HSPA4L: variants seen among roughly 807,000 people sequenced by gnomAD.
HSPA4L encodes heat shock 70 kDa protein 4L.
HSPA4L carries 48 observed loss-of-function variants against 100.3 expected under a neutral mutation model. That is an observed-to-expected ratio of 0.48 (90% confidence interval 0.38 to 0.61). The LOEUF is 0.61. Among genes scored for constraint, HSPA4L ranks in the 20% least tolerant of loss-of-function variants. The pLI is 0.00. For missense variants in HSPA4L, 886 were observed against 988.6 expected (o/e 0.90, Z 1.39); for synonymous variants, 319 against 328.2 (o/e 0.97, Z 0.30).
Position 127,787,517 on chromosome 4 carries a change from A to G in HSPA4L, c.107+4860A>G, listed in dbSNP as rs149498789. Among the ~76,000 whole-genome samples the G allele has an allele frequency of 3.3e-4, 51 of 152,306 alleles. No individual in the cohort carries two copies. In the East Asian group the frequency reaches 8.9e-3, roughly 26 times the overall value. The stretch of plus-strand genomic sequence containing the variant: ...TATACAAGTATGTGATTATATGTAC[A>G]TAACTGGGATTTTTTAACAAAAGCA... On this transcript the variant is annotated intron_variant, in intron 1 of 18. Coordinates refer to ENST00000296464, the MANE Select transcript of HSPA4L (RefSeq NM_014278.4).
chr4:127,802,431 A>G (rs1391857588), intron 6 of HSPA4L, among the ~76,000 whole-genome samples: 1 of 152,194 alleles, frequency 6.6e-6, no homozygotes. Context: ...AGTAGAGTTT[A>G]CTTAGGAGAT....
intron 10 of HSPA4L, among the ~76,000 whole-genome samples, chr4:127,806,711 A>C (rs1288359447): frequency 6.6e-6 from 1 of 152,018 alleles, no homozygotes; most frequent in Non-Finnish European, 1.5e-5. Context: ...TTATATTTCA[A>C]ATATTTTACT....
chr4:127,829,029 G>A (rs116475242), intron 17 of HSPA4L, among the ~76,000 whole-genome samples: 3 of 152,058 alleles, frequency 2.0e-5, no homozygotes, highest in African/African-American at 7.2e-5. Flanking sequence ...ATAAATTACT[G>A]TAAGTTATGT....
chr4:127,795,769 T>C lies in HSPA4L; in HGVS notation c.167T>C (p.Ile56Thr). 6.2e-7 allele frequency: 1 copy of C among 1,613,304 alleles called. No homozygotes were observed. The change falls in exon 3 of 19, where the codon ATA (isoleucine) becomes ACA (threonine). Residue 56 changes from isoleucine to threonine, a missense_variant and splice_region_variant. Physicochemically the swap from Ile to Thr is moderately conservative, Grantham distance 89. Transcript: ENST00000296464. ...RAIGNAAKSQ[I>T]VTNVRNTIHG... ...AATACAAGTGTTTACTGCCAACAGA[T>C]AGTCACGAACGTAAGAAATACAATT...
At position 127,817,954 on chromosome 4, in the gene HSPA4L, C is replaced by A. The variant is rs147645937; in HGVS notation, c.1579-371C>A. Among the ~76,000 whole-genome samples the A allele has an allele frequency of 4.3e-3, 659 of 152,170 alleles. 10 individuals are homozygous for A. The highest frequency in any genetic ancestry group is 0.015 in the African/African-American group (630 of 41,534). ...TGGTGGTTTGCTGCACCCATCAACC[C>A]GTCATCTACATTAGGTATTTCTCGT... is the stretch of plus-strand genomic sequence containing the variant. On this transcript the variant is annotated intron_variant, in intron 12 of 18. Transcript: ENST00000296464.
chr4:127,821,964 A>C (rs1009295570), intron 14 of HSPA4L, among the ~76,000 whole-genome samples: 18 of 152,286 alleles, frequency 1.2e-4, no homozygotes, highest in African/African-American at 3.4e-4. Context: ...CTTTATTGAG[A>C]TAAATTTACA....
chr4:127,795,933 C>G, intron 3 of HSPA4L, 25 bp downstream of exon 3: 1 of 1,604,686 alleles, frequency 6.2e-7, no homozygotes, highest in South Asian at 1.1e-5. Flanking sequence ...CCCAGGGTTA[C>G]AAACATATCT....
At position 127,832,915 on chromosome 4, in the gene HSPA4L, A is replaced by G. The variant is rs1290944017; in HGVS notation, c.*41A>G. On this transcript the variant is annotated 3_prime_UTR_variant, in exon 19 of 19. Transcript: ENST00000296464. ...TCACATTAATTCAAACCGTGCAAGTAACCACGGGGTCCATCTTTTACATCT... is the reference window on the plus strand; with the variant it reads ...TCACATTAATTCAAACCGTGCAAGTGACCACGGGGTCCATCTTTTACATCT... 1 of 1,432,318 alleles carries G rather than the reference A, an allele frequency of 7.0e-7. No individual in the cohort carries two copies. Among genetic ancestry groups the G allele is most frequent in the Non-Finnish European group, 9.6e-7 (1 of 1,047,056 alleles). The allele number at this position is 1,432,318 out of a possible 1,614,324, so 88.7% of individuals were successfully genotyped here.
intron 14 of HSPA4L, 21 bp from the exon 15 acceptor site, chr4:127,822,748 A>G (rs754952223): frequency 1.2e-6 from 2 of 1,611,178 alleles, no homozygotes; most frequent in Non-Finnish European, 1.7e-6. Flanking sequence ...TATGGCAACT[A>G]ATCTGAAGCT....
At chr4:127,827,955 G>A (rs1226591855) in intron 17 of HSPA4L, among the ~76,000 whole-genome samples, 1 of 152,012 alleles carries the variant, frequency 6.6e-6, no homozygotes, top group Non-Finnish European at 1.5e-5. Context: ...TTATACAGAT[G>A]ATACTTCCAT....
At chr4:127,798,456 T>C (rs1578696483) in intron 3 of HSPA4L, 131 bp from the exon 4 acceptor site, 1 of 794,624 alleles carries the variant, frequency 1.3e-6, no homozygotes, top group East Asian at 2.7e-5. Flanking sequence ...ACAATCTTTC[T>C]GGAATAAAAC....
chr4:127,828,699 C>T (rs1734008290), intron 17 of HSPA4L, among the ~76,000 whole-genome samples: 1 of 152,032 alleles, frequency 6.6e-6, no homozygotes, highest in African/African-American at 2.4e-5. Flanking sequence ...CTGCTAATAT[C>T]AGTGTTCAAA....
In HSPA4L at chr4:127,839,192, C is replaced by T. The variant is rs1734304778; in HGVS notation, c.*6318C>T. Reference sequence around the variant, plus strand: ...GTTATGTATGTGTGTTGTGCATCTTCCTTGTTGTTTTAGAGTTTCCTAAAT... The same window carrying T: ...GTTATGTATGTGTGTTGTGCATCTTTCTTGTTGTTTTAGAGTTTCCTAAAT... On this transcript the variant is annotated 3_prime_UTR_variant, in exon 19 of 19. Coordinates refer to ENST00000296464, the MANE Select transcript of HSPA4L (RefSeq NM_014278.4). 6.6e-6 allele frequency: 1 copy of T among 152,110 alleles called. No homozygotes were observed. Among genetic ancestry groups the T allele is most frequent in the African/African-American group, 2.4e-5 (1 of 41,416 alleles). 9.4% of individuals were successfully genotyped at this position (152,110 alleles called of 1,614,324 possible).
chr4:127,808,001 G>C lies in HSPA4L; in HGVS notation c.1250G>C (p.Cys417Ser), dbSNP rs1289493573. 1.1e-5 allele frequency: 17 copies of C among 1,608,130 alleles called. No individual in the cohort carries two copies. Among genetic ancestry groups the C allele is most frequent in the Non-Finnish European group, 1.4e-5 (16 of 1,178,450 alleles). Residue 417 changes from cysteine (C) to serine (S), a missense_variant, in exon 11 of 19, where the codon TGT becomes TCT. Coordinates refer to ENST00000296464, the MANE Select transcript of HSPA4L (RefSeq NM_014278.4). ...GTTCTTTCCCTCCATTTTAGGGAAT[G>C]TGAAGTTTTCTGTAAGAACCATCCT... is the stretch of plus-strand genomic sequence containing the variant. ...KTSFEDGSGE[C>S]EVFCKNHPAP...
upstream of HSPA4L, chr4:127,781,919 G>T (rs1470769462): frequency 7.7e-6 from 3 of 387,300 alleles, no homozygotes; most frequent in African/African-American, 6.3e-5. Context: ...CTGCCGCCGT[G>T]ACAAGCACGC....
chr4:127,831,503 A>T (rs1318987113), intron 18 of HSPA4L, among the ~76,000 whole-genome samples: 1 of 111,942 alleles, frequency 8.9e-6, no homozygotes, highest in African/African-American at 4.0e-5. Context: ...TTGTCTATTA[A>T]AAAAAAAAAA....
chr4:127,789,225 TCCTACTAAAA>T (rs1732802314), intron 1 of HSPA4L, among the ~76,000 whole-genome samples: 1 of 152,228 alleles, frequency 6.6e-6, no homozygotes, highest in East Asian at 1.9e-4. Flanking sequence ...TATGCCCCTC[TCCTACTAAAA>T]GGAACATAGG....
chr4:127,809,029 C>T, intron 11 of HSPA4L: 1 of 455,668 alleles, frequency 2.2e-6, no homozygotes, highest in East Asian at 3.6e-5. Context: ...TGTTTACTGG[C>T]AACAACTAGA....
At chr4:127,804,608 AACACACACACACACACAC>A (rs56013070) in intron 8 of HSPA4L, among the ~76,000 whole-genome samples, 5 of 144,316 alleles carry the variant, frequency 3.5e-5, no homozygotes, top group Admixed American at 1.4e-4. Flanking sequence ...TCTGTCTCAA[AACACACACACACACACAC>A]ACACACACAC....
Sources: allele counts gnomAD v4.1 joint callset (sites outside exome capture counted in the v4.1 genomes callset), GRCh38; gene constraint gnomAD v4.1.1; transcripts MANE v1.5; gene names NCBI Gene and HGNC (gene_info 2026-07-23, HGNC 2026-07-21).